PRDM16: variants seen among roughly 807,000 people sequenced by gnomAD.
PRDM16 encodes histone-lysine N-methyltransferase PRDM16.
Under a neutral mutation model 110.6 loss-of-function variants are expected in PRDM16, and 23 were observed. The ratio of observed to expected loss-of-function variants is 0.21; its 90% CI spans 0.15 to 0.29. PRDM16 has a LOEUF of 0.29. Among genes scored for constraint, PRDM16 ranks in the 10% least tolerant of loss-of-function variants. The pLI is 1.00. For missense variants in PRDM16, 1,615 were observed against 1,794.3 expected (o/e 0.90, Z 1.81); for synonymous variants, 799 against 781.8 (o/e 1.02, Z -0.37).
chr1:3,119,819 C>T (rs1377288717), intron 1 of PRDM16, among the ~76,000 whole-genome samples: 1 of 152,218 alleles, frequency 6.6e-6, no homozygotes, highest in Non-Finnish European at 1.5e-5. Context: ...GCCCCTGTCA[C>T]GCCGGATTGT....
chr1:3,381,235 A>C (rs4648490), intron 3 of PRDM16, among the ~76,000 whole-genome samples: 68,908 of 151,954 alleles, frequency 0.45, 16,517 homozygotes, highest in South Asian at 0.59. Flanking sequence ...ACCATGCAGG[A>C]ACACGCCCAC....
intron 8 of PRDM16, 80 bp from the exon 9 acceptor site, chr1:3,411,304 C>G (rs1414606198): frequency 1.3e-6 from 2 of 1,483,988 alleles, no homozygotes; most frequent in East Asian, 2.3e-5. Context: ...CTGGCTTTCC[C>G]AGTAATTTCA....
rs377192323 is a variant in PRDM16, at chr1:3,356,636, A to C, written c.439-28516A>C. Among the ~76,000 whole-genome samples, 64 of 152,284 alleles carry C rather than the reference A, an allele frequency of 4.2e-4. No individual in the cohort carries two copies. The East Asian group carries it at 0.011, about 27-fold the overall frequency. Reference sequence around the variant, plus strand: ...CTGTTCTAAGGAGCGCTTCACATAGATGATCTTAGCCTGCCCCAGAGCGGC... The same window carrying C: ...CTGTTCTAAGGAGCGCTTCACATAGCTGATCTTAGCCTGCCCCAGAGCGGC... On this transcript the variant is annotated intron_variant, in intron 3 of 16. Transcript: ENST00000270722.
At chr1:3,086,395 G>C (rs554278513) in intron 1 of PRDM16, among the ~76,000 whole-genome samples, 8 of 152,282 alleles carry the variant, frequency 5.3e-5, no homozygotes, top group Non-Finnish European at 1.2e-4. Context: ...GAGTTTCTTG[G>C]TCAGGAAAGC....
Position 3,148,095 on chromosome 1 carries a change from T to C in PRDM16, c.38-38030T>C, listed in dbSNP as rs534951158. Among the ~76,000 whole-genome samples the C allele has an allele frequency of 1.3e-5, 2 of 152,150 alleles. No individual in the cohort carries two copies. Among genetic ancestry groups the C allele is most frequent in the South Asian group, 4.2e-4 (2 of 4,784 alleles). On this transcript the variant is annotated intron_variant, in intron 1 of 16. Transcript: ENST00000270722. The surrounding 1 kb of genome is among the most constrained non-coding windows in gnomAD (Gnocchi z 5.0). ...GGCGTCTTCTCTCGGGGGCCCTCTG[T>C]CCGCCTCAGTTGCAGGTGGTGGGGT...
At chr1:3,342,684 T>A (rs1642294249) in intron 3 of PRDM16, among the ~76,000 whole-genome samples, 1 of 152,258 alleles carries the variant, frequency 6.6e-6, no homozygotes, top group Non-Finnish European at 1.5e-5. Flanking sequence ...TTCTGATGTC[T>A]ATCACCTTGG....
chr1:3,396,408 T>G, intron 4 of PRDM16, 83 bp from the exon 5 acceptor site: 1 of 787,426 alleles, frequency 1.3e-6, no homozygotes, highest in Non-Finnish European at 2.2e-6. Flanking sequence ...GCGTCCACAG[T>G]GTGAGGGCTG....
chr1:3,322,363 G>A lies in PRDM16; in HGVS notation c.439-62789G>A, dbSNP rs1246464859. Among the ~76,000 whole-genome samples the A allele has an allele frequency of 3.9e-5, 6 of 152,104 alleles. No individual in the cohort carries two copies. In the South Asian group the frequency reaches 6.2e-4, roughly 16 times the overall value. On this transcript the variant is annotated intron_variant, in intron 3 of 16. Transcript: ENST00000270722. Reference sequence around the variant, plus strand: ...GAGTTACATCATTTTCTTCCCCTCCGGAGCCTATAAATCTCACGCTCCTTG... The same window carrying A: ...GAGTTACATCATTTTCTTCCCCTCCAGAGCCTATAAATCTCACGCTCCTTG...
intron 1 of PRDM16, among the ~76,000 whole-genome samples, chr1:3,184,887 C>A (rs1644250603): frequency 6.6e-6 from 1 of 152,018 alleles, no homozygotes; most frequent in Non-Finnish European, 1.5e-5. Flanking sequence ...CGCCCTCCTC[C>A]TTGGGGAGGG....
At chr1:3,182,097 A>T (rs2651932) in intron 1 of PRDM16, among the ~76,000 whole-genome samples, 1 of 152,056 alleles carries the variant, frequency 6.6e-6, no homozygotes, top group African/African-American at 2.4e-5. Context: ...CCTGCCAGCC[A>T]CCACACGGTG....
chr1:3,385,021 G>A, intron 3 of PRDM16, 131 bp from the exon 4 acceptor site: 2 of 1,121,286 alleles, frequency 1.8e-6, no homozygotes, highest in South Asian at 2.8e-5. Flanking sequence ...CCGGAGGGTG[G>A]GCTGAGGTCT....
intron 2 of PRDM16, among the ~76,000 whole-genome samples, chr1:3,222,648 CA>C (rs1639184241): frequency 6.6e-6 from 1 of 152,222 alleles, no homozygotes; most frequent in Non-Finnish European, 1.5e-5. Context: ...CACTTAGGCC[CA>C]GCCCACACCC....
intron 1 of PRDM16, among the ~76,000 whole-genome samples, chr1:3,091,638 G>T (rs1280130160): frequency 6.6e-6 from 1 of 152,242 alleles, no homozygotes; most frequent in South Asian, 2.1e-4. Flanking sequence ...GCTGGGCAGG[G>T]CTGCAGCTGC....
rs2788094 is a variant in PRDM16, at chr1:3,081,458, C to G, written c.37+12162C>G. Among the ~76,000 whole-genome samples, 2 of 152,146 alleles carry G rather than the reference C, an allele frequency of 1.3e-5. No individual in the cohort carries two copies. The highest frequency in any genetic ancestry group is 2.9e-5 in the Non-Finnish European group (2 of 68,014). On this transcript the variant is annotated intron_variant, in intron 1 of 16. Transcript: ENST00000270722. This position sits in a 1 kb window ranked among gnomAD's most constrained non-coding sequence, Gnocchi z 4.6. Reference sequence around the variant, plus strand: ...GAGCCCCCTCCTTGTCCCACCAGACCGAGCTGTGGCCGTGTGAGGAGCAGG... The same window carrying G: ...GAGCCCCCTCCTTGTCCCACCAGACGGAGCTGTGGCCGTGTGAGGAGCAGG...
At chr1:3,401,884 A>T (rs1277415064) in intron 5 of PRDM16, among the ~76,000 whole-genome samples, 1 of 82,652 alleles carries the variant, frequency 1.2e-5, no homozygotes, top group Non-Finnish European at 2.9e-5. Flanking sequence ...AGTGCACACA[A>T]ATATTCACGC....
At chr1:3,205,263 C>T (rs367735515) in intron 2 of PRDM16, among the ~76,000 whole-genome samples, 2 of 152,160 alleles carry the variant, frequency 1.3e-5, no homozygotes, top group African/African-American at 4.8e-5. Context: ...ACCCCCAAGG[C>T]GCCTTCTGAG....
At chr1:3,367,289 T>G (rs1642832956) in intron 3 of PRDM16, among the ~76,000 whole-genome samples, 1 of 151,656 alleles carries the variant, frequency 6.6e-6, no homozygotes, top group African/African-American at 2.4e-5. Context: ...AAAAAAAAAT[T>G]GATGGAGCAA....
Position 3,148,691 on chromosome 1 carries a change from G to C in PRDM16, c.38-37434G>C, listed in dbSNP as rs1251822103. ...CAGTCCTTCTGGAAGTCCAGTTTGT[G>C]TCAGAGCAGCGGCCCAAAGCCAAAG... On this transcript the variant is annotated intron_variant, in intron 1 of 16. Transcript: ENST00000270722. The surrounding 1 kb of genome is among the most constrained non-coding windows in gnomAD (Gnocchi z 5.0). Among the ~76,000 whole-genome samples, 1 of 151,982 alleles carries C rather than the reference G, an allele frequency of 6.6e-6. No individual in the cohort carries two copies. Among genetic ancestry groups the C allele is most frequent in the Non-Finnish European group, 1.5e-5 (1 of 68,040 alleles).
chr1:3,151,905 C>T (rs963773362), intron 1 of PRDM16, among the ~76,000 whole-genome samples: 1 of 152,238 alleles, frequency 6.6e-6, no homozygotes, highest in Non-Finnish European at 1.5e-5. Context: ...GCTTTTAAAT[C>T]TCAGAAATGG....
Sources: gnomAD v4.1 joint callset for allele counts (sites outside exome capture counted in the v4.1 genomes callset) on GRCh38, gnomAD v4.1.1 for gene constraint, Gnocchi (gnomAD v3.1) non-coding constraint, MANE v1.5 for transcripts, NCBI Gene and HGNC (gene_info 2026-07-23, HGNC 2026-07-21) for gene names.